Variants in AFG2A observed in about 807,000 individuals in gnomAD.
AFG2A encodes the protein ATPase family gene 2 protein homolog A.
the AFG2A span, among the ~76,000 whole-genome samples, chr4:123,304,793 G>A: frequency 7.9e-5 from 12 of 152,102 alleles, no homozygotes; most frequent in African/African-American, 2.9e-4. Flanking sequence ...GTGACCGAGC[G>A]CAGAGACAGC....
At chr4:123,095,042 AATATATATAT>A in the AFG2A span, among the ~76,000 whole-genome samples, 4 of 114,098 alleles carry the variant, frequency 3.5e-5, no homozygotes, top group Non-Finnish European at 3.5e-5. Context: ...AAAAAAAAAA[AATATATATAT>A]ATATATATAT....
the AFG2A span, chr4:123,259,880 G>C: frequency 6.6e-6 from 1 of 152,158 alleles, no homozygotes; most frequent in African/African-American, 2.4e-5. Context: ...TGCTGACATA[G>C]GCCAAAGACT....
the AFG2A span, among the ~76,000 whole-genome samples, chr4:123,015,043 A>G: frequency 6.6e-6 from 1 of 152,252 alleles, no homozygotes; most frequent in Non-Finnish European, 1.5e-5. Context: ...AAAGAGAAGC[A>G]AAGACCTCTT....
the AFG2A span, among the ~76,000 whole-genome samples, chr4:122,950,115 G>C: frequency 1.3e-5 from 2 of 152,178 alleles, no homozygotes; most frequent in Non-Finnish European, 1.5e-5. Flanking sequence ...TACATGATGG[G>C]GTGATGAGAA....
the AFG2A span, among the ~76,000 whole-genome samples, chr4:123,307,375 T>C: frequency 6.6e-6 from 1 of 151,448 alleles, no homozygotes; most frequent in African/African-American, 2.4e-5. Flanking sequence ...TCAGTGTAGA[T>C]ACACACACAC....
the AFG2A span, among the ~76,000 whole-genome samples, chr4:122,974,002 T>C: frequency 1.2e-4 from 18 of 152,184 alleles, no homozygotes; most frequent in African/African-American, 3.9e-4. Context: ...TTTTAACTTT[T>C]GAAAAATTCC....
the AFG2A span, among the ~76,000 whole-genome samples, chr4:122,992,978 G>GTA: frequency 8.2e-5 from 11 of 134,944 alleles, no homozygotes; most frequent in Admixed American, 2.2e-4. Context: ...GTGTGTGTAT[G>GTA]TGTGTGTGTG....
At chr4:123,081,331 CTT>C in the AFG2A span, among the ~76,000 whole-genome samples, 1 of 152,182 alleles carries the variant, frequency 6.6e-6, no homozygotes, top group Non-Finnish European at 1.5e-5. Context: ...AGTTTTGCCT[CTT>C]TTGGAATATC....
At chr4:123,289,340 G>A in the AFG2A span, among the ~76,000 whole-genome samples, 9 of 152,072 alleles carry the variant, frequency 5.9e-5, no homozygotes, top group Admixed American at 1.3e-4. Context: ...TGTCAAAGAC[G>A]TTACTTTGTT....
At chr4:123,228,601 A>C in the AFG2A span, among the ~76,000 whole-genome samples, 3 of 151,988 alleles carry the variant, frequency 2.0e-5, no homozygotes, top group Admixed American at 2.0e-4. Context: ...GTAAACCAGA[A>C]ATTATGCTGA....
At chr4:123,225,570 A>C in the AFG2A span, among the ~76,000 whole-genome samples, 1 of 152,060 alleles carries the variant, frequency 6.6e-6, no homozygotes, top group Non-Finnish European at 1.5e-5. Context: ...ATTGGTCTAT[A>C]TCTCTGTTTT....
the AFG2A span, among the ~76,000 whole-genome samples, chr4:123,164,898 G>A: frequency 5.9e-5 from 9 of 152,030 alleles, no homozygotes; most frequent in East Asian, 1.9e-4. Context: ...TAGTGATTCC[G>A]CTATTCTGAA....
chr4:123,096,259 G>A, the AFG2A span, among the ~76,000 whole-genome samples: 12 of 147,190 alleles, frequency 8.2e-5, no homozygotes, highest in Admixed American at 4.0e-4. Flanking sequence ...GATAGGATGC[G>A]GTAGGACAGA....
chr4:123,191,389 C>T, the AFG2A span, among the ~76,000 whole-genome samples: 11 of 149,882 alleles, frequency 7.3e-5, no homozygotes, highest in African/African-American at 1.7e-4. Flanking sequence ...ACTACCTAGA[C>T]GCACAGTGGT....
At chr4:123,135,462 A>G in the AFG2A span, among the ~76,000 whole-genome samples, 1 of 152,176 alleles carries the variant, frequency 6.6e-6, no homozygotes, top group Non-Finnish European at 1.5e-5. Context: ...GAAAGGATGA[A>G]GTGAAATTAT....
chr4:123,222,996 C>T, the AFG2A span, among the ~76,000 whole-genome samples: 4 of 152,136 alleles, frequency 2.6e-5, no homozygotes, highest in Non-Finnish European at 5.9e-5. Flanking sequence ...GCTGCATGAA[C>T]GTGAGGGTGC....
the AFG2A span, among the ~76,000 whole-genome samples, chr4:123,046,215 C>T: frequency 1.3e-5 from 2 of 152,022 alleles, no homozygotes; most frequent in African/African-American, 4.8e-5. Flanking sequence ...TATGATTTCT[C>T]AGTATCACTA....
chr4:123,018,120 T>C, the AFG2A span, among the ~76,000 whole-genome samples: 2 of 152,204 alleles, frequency 1.3e-5, no homozygotes, highest in Non-Finnish European at 2.9e-5. Context: ...TATTTTGTTT[T>C]GGGGTGTTTG....
At chr4:123,197,439 C>G in the AFG2A span, among the ~76,000 whole-genome samples, 2 of 152,228 alleles carry the variant, frequency 1.3e-5, no homozygotes, top group African/African-American at 4.8e-5. Context: ...GCTCACTGAC[C>G]ATGCTCTCTA....
Sources: gnomAD v4.1 joint callset for allele counts (sites outside exome capture counted in the v4.1 genomes callset) on GRCh38, gnomAD v4.1.1 for gene constraint, MANE v1.5 for transcripts, NCBI Gene and HGNC (gene_info 2026-07-23, HGNC 2026-07-21) for gene names.